ARHGAP32: variants seen among roughly 807,000 people sequenced by gnomAD.
The protein encoded by ARHGAP32 is Rho GTPase activating protein 32.
A neutral mutation model predicts 186.5 loss-of-function variants in ARHGAP32; 51 were observed. The ratio of observed to expected loss-of-function variants is 0.27; its 90% CI spans 0.22 to 0.35. The LOEUF is 0.35. Among genes scored for constraint, ARHGAP32 ranks in the 10% least tolerant of loss-of-function variants. The pLI, the probability that ARHGAP32 is intolerant of heterozygous loss-of-function variation, is 1.00. For synonymous variants in ARHGAP32, 950 were observed against 964.3 expected (o/e 0.99, Z 0.27); for missense variants, 2,186 against 2,623.5 (o/e 0.83, Z 3.64).
At chr11:129,177,366 A>G (rs1476779111) in intron 1 of ARHGAP32, among the ~76,000 whole-genome samples, 8 of 152,080 alleles carry the variant, frequency 5.3e-5, no homozygotes. Flanking sequence ...GTACAAGGAG[A>G]AACTGGTACC....
At chr11:129,032,476 C>G (rs575081181) in intron 11 of ARHGAP32, among the ~76,000 whole-genome samples, 75 of 152,176 alleles carry the variant, frequency 4.9e-4, no homozygotes, top group Non-Finnish European at 5.6e-4. Flanking sequence ...TTCCCCTTTG[C>G]AGTTACGTAC....
At chr11:129,101,082 T>G (rs562897748) in intron 5 of ARHGAP32, among the ~76,000 whole-genome samples, 1 of 152,270 alleles carries the variant, frequency 6.6e-6, no homozygotes, top group South Asian at 2.1e-4. Flanking sequence ...AAAGTCTGGA[T>G]GTAATACAGT....
intron 1 of ARHGAP32, among the ~76,000 whole-genome samples, chr11:129,226,817 A>G (rs1236869656): frequency 6.6e-6 from 1 of 152,114 alleles, no homozygotes; most frequent in Non-Finnish European, 1.5e-5. Context: ...TCAGATAAAC[A>G]GAGACTAAGA....
rs1944990826 is a variant in ARHGAP32, at chr11:129,239,846, C to T, written c.-5+39300G>A. Among the ~76,000 whole-genome samples, 4 of 152,034 alleles carry T rather than the reference C, an allele frequency of 2.6e-5. No homozygotes were observed. The South Asian group carries it at 8.3e-4, about 32-fold the overall frequency. On this transcript the variant is annotated intron_variant, in intron 1 of 6. Transcript: ENST00000525234. ...AATGCCACTCTCAGTTAAATTTTTT[C>T]CCAAAACTTACAACACATACACACA...
chr11:128,997,641 T>A (rs1182526045), intron 12 of ARHGAP32, among the ~76,000 whole-genome samples: 1 of 151,800 alleles, frequency 6.6e-6, no homozygotes, highest in Non-Finnish European at 1.5e-5. Flanking sequence ...CTCCTATCCA[T>A]CCCCCCATCC....
At chr11:129,193,741 T>C (rs1315500840), upstream of ARHGAP32, among the ~76,000 whole-genome samples, 1 of 105,516 alleles carries the variant, frequency 9.5e-6, no homozygotes, top group Admixed American at 1.4e-4. Context: ...TAATATATAT[T>C]ATATAATACA....
chr11:128,999,567 T>C (rs1038274330), intron 11 of ARHGAP32, among the ~76,000 whole-genome samples: 2 of 152,234 alleles, frequency 1.3e-5, no homozygotes, highest in African/African-American at 4.8e-5. Flanking sequence ...TAATAAAAAC[T>C]TGCTGGTTTT....
rs569297225 is a variant in ARHGAP32 at position 128,998,407 on chromosome 11, T to C, written c.1107A>G (p.Thr369=). 8 of 1,598,368 alleles carry C rather than the reference T, an allele frequency of 5.0e-6. No homozygotes were observed. The Admixed American group carries it at 1.2e-4, about 24-fold the overall frequency. ...FLRTFMKSRP[T]KQKLKQRGIL... ...TTCCCCGCTGCTTCAGCTTCTGTTT[T>C]GTTGGACGAGACTTCATGAATGTTC... The change falls in exon 12 of 23, where the codon ACA becomes ACG. Residue 369 remains threonine, a synonymous_variant. Transcript: ENST00000682385.
At position 128,965,492 on chromosome 11, in the gene ARHGAP32, T is replaced by G. The variant is rs900089483; in HGVS notation, c.*3415A>C. On this transcript the variant is annotated 3_prime_UTR_variant, in exon 23 of 23. Coordinates refer to ENST00000682385, the MANE Select transcript of ARHGAP32 (RefSeq NM_001378024.1). Reference sequence around the variant, plus strand: ...GGTTTTGCTATCTCAGAATCTAAACTGTAAAACCATTTTTATTCTTTGAAC... The same window carrying G: ...GGTTTTGCTATCTCAGAATCTAAACGGTAAAACCATTTTTATTCTTTGAAC... 2 of 152,206 alleles carry G rather than the reference T, an allele frequency of 1.3e-5. No homozygotes were observed. Among genetic ancestry groups the G allele is most frequent in the African/African-American group, 4.8e-5 (2 of 41,448 alleles). 9.4% of individuals were successfully genotyped at this position (152,206 alleles called of 1,614,324 possible).
intron 11 of ARHGAP32, among the ~76,000 whole-genome samples, chr11:129,011,682 T>C (rs1052880544): frequency 3.3e-5 from 5 of 152,134 alleles, no homozygotes; most frequent in Non-Finnish European, 5.9e-5. Context: ...AATATGTTTA[T>C]CAGAAACCCA....
At chr11:128,998,615 T>C (rs1946264768) in intron 11 of ARHGAP32, 147 bp from the exon 12 acceptor site, 2 of 538,492 alleles carry the variant, frequency 3.7e-6, no homozygotes, top group Non-Finnish European at 5.8e-6. Flanking sequence ...TCAGTACAAG[T>C]TTAAGCTAAG....
chr11:129,257,669 TACTC>T (rs760724312), intron 1 of ARHGAP32, among the ~76,000 whole-genome samples: 1 of 145,852 alleles, frequency 6.9e-6, no homozygotes, highest in East Asian at 2.0e-4. Flanking sequence ...GTTTTCTAAA[TACTC>T]AGTTCTTAGA....
At chr11:129,155,256 C>T (rs1261357576) in intron 2 of ARHGAP32, among the ~76,000 whole-genome samples, 2 of 152,094 alleles carry the variant, frequency 1.3e-5, no homozygotes, top group Admixed American at 6.5e-5. Context: ...TCAATTTCCA[C>T]GTGTATTATC....
At chr11:129,212,015 ATGCCTGGTGCATGCC>A (rs1944587592) in intron 1 of ARHGAP32, among the ~76,000 whole-genome samples, 2 of 151,988 alleles carry the variant, frequency 1.3e-5, no homozygotes, top group Non-Finnish European at 2.9e-5. Context: ...TTAGGCAGGC[ATGCCTGGTGCATGCC>A]TGCAGTCCCA....
intron 1 of ARHGAP32, among the ~76,000 whole-genome samples, chr11:129,276,784 G>A (rs1293069112): frequency 6.6e-6 from 1 of 152,178 alleles, no homozygotes; most frequent in East Asian, 1.9e-4. Context: ...TCACAGCTCT[G>A]TAAGAAAAAC....
At chr11:129,156,488 G>A (rs1943410677) in intron 2 of ARHGAP32, among the ~76,000 whole-genome samples, 1 of 152,184 alleles carries the variant, frequency 6.6e-6, no homozygotes, top group African/African-American at 2.4e-5. Flanking sequence ...AGTTGGGACA[G>A]TGCAGAGCCA....
chr11:128,965,576 G>T lies in ARHGAP32; in HGVS notation c.*3331C>A, dbSNP rs1185467235. On this transcript the variant is annotated 3_prime_UTR_variant, in exon 23 of 23. Coordinates refer to ENST00000682385, the MANE Select transcript of ARHGAP32 (RefSeq NM_001378024.1). The stretch of plus-strand genomic sequence containing the variant: ...CCTCTGTGCACACTGACATTATCTT[G>T]CACACGTTATAATACACCATTCCTG... The T allele has an allele frequency of 2.0e-5, 3 of 152,170 alleles. No homozygotes were observed. Among genetic ancestry groups the T allele is most frequent in the Non-Finnish European group, 4.4e-5 (3 of 68,040 alleles). 9.4% of individuals were successfully genotyped at this position (152,170 alleles called of 1,614,324 possible).
chr11:129,003,813 C>T (rs947753799), intron 11 of ARHGAP32, among the ~76,000 whole-genome samples: 2 of 151,490 alleles, frequency 1.3e-5, no homozygotes, highest in African/African-American at 4.8e-5. Context: ...TTTTGTTTAA[C>T]TTTTCAAAAA....
intron 5 of ARHGAP32, among the ~76,000 whole-genome samples, chr11:129,104,648 G>C (rs1591618036): frequency 7.1e-6 from 1 of 140,506 alleles, no homozygotes; most frequent in Non-Finnish European, 1.6e-5. Context: ...GAACATTTCA[G>C]AAAAAAAAAA....
Sources: gnomAD v4.1 joint callset for allele counts (sites outside exome capture counted in the v4.1 genomes callset) on GRCh38, gnomAD v4.1.1 for gene constraint, MANE v1.5 for transcripts, NCBI Gene and HGNC (gene_info 2026-07-23, HGNC 2026-07-21) for gene names.